Variants in RGS18 observed in about 807,000 individuals in gnomAD.
The protein encoded by RGS18 is regulator of G protein signaling 18.
Under a neutral mutation model 27.6 loss-of-function variants are expected in RGS18, and 22 were observed. The observed-to-expected ratio is 0.80, with a 90% CI of 0.57 to 1.14. The LOEUF is 1.14. Ranked by LOEUF, RGS18 falls within the 50% of genes most tolerant of loss-of-function variation. The pLI, the probability that RGS18 is intolerant of heterozygous loss-of-function variation, is 0.00. For missense variants in RGS18, 299 were observed against 269.6 expected, an observed-to-expected ratio of 1.11 and a Z score of -0.76; for synonymous variants, 89 against 84.6, an observed-to-expected ratio of 1.05 and a Z score of -0.29.
chr1:192,159,481 TA>T, intron 2 of RGS18, among the ~76,000 whole-genome samples, 160 bp downstream of exon 2: 1 of 152,310 alleles, frequency 6.6e-6, no homozygotes, highest in Middle Eastern at 3.4e-3. Flanking sequence ...TTCATAAAAT[TA>T]AATCACTTGA....
chr1:192,166,355 G>A (rs1321305246), intron 3 of RGS18, among the ~76,000 whole-genome samples: 2 of 152,018 alleles, frequency 1.3e-5, no homozygotes, highest in African/African-American at 4.8e-5. Flanking sequence ...ATAAAGGCAA[G>A]GAAACAGAGT....
At chr1:192,183,591 A>G (rs1656492705) in intron 4 of RGS18, among the ~76,000 whole-genome samples, 1 of 151,610 alleles carries the variant, frequency 6.6e-6, no homozygotes. Flanking sequence ...ATGCTAGTCA[A>G]GAATAGAGGA....
At chr1:192,173,912 AT>A (rs1656313430) in intron 3 of RGS18, among the ~76,000 whole-genome samples, 2 of 150,808 alleles carry the variant, frequency 1.3e-5, no homozygotes, top group African/African-American at 4.9e-5. Context: ...TCTTGTTTTT[AT>A]TTTTATTTTT....
At chr1:192,165,166 T>G (rs1000474813) in intron 3 of RGS18, among the ~76,000 whole-genome samples, 1 of 152,180 alleles carries the variant, frequency 6.6e-6, no homozygotes, top group Non-Finnish European at 1.5e-5. Flanking sequence ...TGGGAGTGTC[T>G]GCTTTATGCC....
At chr1:192,171,399 C>A (rs956434795) in intron 3 of RGS18, among the ~76,000 whole-genome samples, 1 of 152,058 alleles carries the variant, frequency 6.6e-6, no homozygotes, top group African/African-American at 2.4e-5. Context: ...TTCAGGACTG[C>A]AGACAAGTTC....
intron 3 of RGS18, among the ~76,000 whole-genome samples, chr1:192,172,190 G>T (rs1288592901): frequency 6.6e-6 from 1 of 152,050 alleles, no homozygotes; most frequent in Non-Finnish European, 1.5e-5. Flanking sequence ...ATGTGGTGAT[G>T]TTGGGAGGGG....
chr1:192,172,882 T>TATATATATATATATAA (rs1407068832), intron 3 of RGS18, among the ~76,000 whole-genome samples: 18 of 104,890 alleles, frequency 1.7e-4, no homozygotes, highest in African/African-American at 4.2e-4. Context: ...TATATATATA[T>TATATATATATATATAA]AAATATATAT....
Position 192,184,284 on chromosome 1 carries a change from T to C in RGS18, c.451-13T>C. 5.0e-6 allele frequency: 8 copies of C among 1,600,184 alleles called. No homozygotes were observed. The highest frequency in any genetic ancestry group is 6.8e-6 in the Non-Finnish European group (8 of 1,169,824). On this transcript the variant is annotated splice_polypyrimidine_tract_variant and intron_variant, in intron 4 of 4. Coordinates refer to ENST00000367460, the MANE Select transcript of RGS18 (RefSeq NM_130782.3). ...ATATTAACTATAATCACACTTTTTTTCTGTTTATCCAGGTTAACCTTGATT... is the reference window on the plus strand; with the variant it reads ...ATATTAACTATAATCACACTTTTTTCCTGTTTATCCAGGTTAACCTTGATT...
chr1:192,163,013 G>A (rs1355570229), intron 3 of RGS18, among the ~76,000 whole-genome samples: 1 of 152,142 alleles, frequency 6.6e-6, no homozygotes, highest in Non-Finnish European at 1.5e-5. Flanking sequence ...CAGAGTTCCA[G>A]TGAAATTCGA....
rs1288491713 is a variant in RGS18, at chr1:192,185,396, T to C, written c.*842T>C. ...GCTTGAATAAAAACCAGAGAAGGTT[T>C]TTCCCAGGACGTCTCATGTTTGGCC... On this transcript the variant is annotated 3_prime_UTR_variant, in exon 5 of 5. Coordinates refer to ENST00000367460, the MANE Select transcript of RGS18 (RefSeq NM_130782.3). The C allele has an allele frequency of 6.6e-6, 1 of 151,624 alleles. No individual in the cohort carries two copies. The highest frequency in any genetic ancestry group is 1.5e-5 in the Non-Finnish European group (1 of 67,726). The allele number at this position is 151,624 out of a possible 1,614,324, so 9.4% of individuals were successfully genotyped here. A position where few individuals can be genotyped will look rare whatever the true frequency, so the allele number is the denominator to read the frequency against.
chr1:192,160,365 G>C lies in RGS18; in HGVS notation c.222-13G>C, dbSNP rs1656048715. 6.3e-7 allele frequency: 1 copy of C among 1,597,798 alleles called. No individual in the cohort carries two copies. Among genetic ancestry groups the C allele is most frequent in the Admixed American group, 1.7e-5 (1 of 59,754 alleles). On this transcript the variant is annotated splice_polypyrimidine_tract_variant and intron_variant, in intron 2 of 4. Transcript: ENST00000367460. ...TGCACACTCCATTATAAAACATTTT[G>C]TTTCTTGTACAGAGTCTCCCCTGAA...
chr1:192,163,525 C>T (rs1195644783), intron 3 of RGS18: 1 of 152,100 alleles, frequency 6.6e-6, no homozygotes, highest in Non-Finnish European at 1.5e-5. Flanking sequence ...ATTTGCTACT[C>T]TCTCTTTTCT....
rs79345225 is a variant in RGS18, at chr1:192,174,759, C to G, written c.284-6533C>G. ...CTCTGCACTGTGTAACATTTTTATC[C>G]GTTTTCTTCATCTTCCTGATACTTT... On this transcript the variant is annotated intron_variant, in intron 3 of 4. Coordinates refer to ENST00000367460, the MANE Select transcript of RGS18 (RefSeq NM_130782.3). 6.0e-3 allele frequency among the ~76,000 whole-genome samples: 906 copies of G among 151,800 alleles called. 28 individuals are homozygous for G. In the East Asian group the frequency reaches 0.11, roughly 18 times the overall value.
chr1:192,176,208 G>A (rs536589270), intron 3 of RGS18, among the ~76,000 whole-genome samples: 1 of 151,848 alleles, frequency 6.6e-6, no homozygotes, highest in Admixed American at 6.6e-5. Context: ...AAACACAAGT[G>A]ACAAAAAAGA....
chr1:192,180,832 T>C (rs1656440040), intron 3 of RGS18, among the ~76,000 whole-genome samples: 1 of 151,644 alleles, frequency 6.6e-6, no homozygotes, highest in Non-Finnish European at 1.5e-5. Context: ...TAGATGGACT[T>C]GGAGAAAAGG....
intron 3 of RGS18, among the ~76,000 whole-genome samples, chr1:192,173,381 T>A (rs1460878671): frequency 6.6e-6 from 1 of 151,948 alleles, no homozygotes; most frequent in Non-Finnish European, 1.5e-5. Flanking sequence ...TTTCTTCACT[T>A]CCTTCTTAGT....
At chr1:192,175,184 T>C (rs1046598265) in intron 3 of RGS18, among the ~76,000 whole-genome samples, 3 of 151,836 alleles carry the variant, frequency 2.0e-5, no homozygotes, top group African/African-American at 7.2e-5. Flanking sequence ...AACCTTTGTG[T>C]TTTTCAAAAA....
At chr1:192,174,511 G>A (rs1428921508) in intron 3 of RGS18, among the ~76,000 whole-genome samples, 1 of 151,776 alleles carries the variant, frequency 6.6e-6, no homozygotes, top group Non-Finnish European at 1.5e-5. Flanking sequence ...TAATGAGTAA[G>A]CAGAATTAGA....
At chr1:192,175,256 GT>G (rs1656338036) in intron 3 of RGS18, among the ~76,000 whole-genome samples, 1 of 151,612 alleles carries the variant, frequency 6.6e-6, no homozygotes, top group African/African-American at 2.4e-5. Context: ...TAACTTATCA[GT>G]TTTTATTGAT....
Sources: allele counts gnomAD v4.1 joint callset (sites outside exome capture counted in the v4.1 genomes callset), GRCh38; gene constraint gnomAD v4.1.1; transcripts MANE v1.5; gene names NCBI Gene and HGNC (gene_info 2026-07-23, HGNC 2026-07-21).